HFM1: variants seen among roughly 807,000 people sequenced by gnomAD.
The protein encoded by HFM1 is probable ATP-dependent DNA helicase HFM1.
Under a neutral mutation model 192.1 loss-of-function variants are expected in HFM1, and 169 were observed. That is an observed-to-expected ratio of 0.88 (90% confidence interval 0.78 to 1.00). The LOEUF (loss-of-function observed/expected upper bound fraction) is 1.00. Among genes scored for constraint, HFM1 ranks in the 50% least tolerant of loss-of-function variants. The probability of loss-of-function intolerance (pLI) is 0.00; values close to 1 mark genes in which losing one functional copy is unlikely to be tolerated. For missense variants in HFM1, 1,661 were observed against 1,668.0 expected, an observed-to-expected ratio of 1.00 and a Z score of 0.07; for synonymous variants, 525 against 537.8, an observed-to-expected ratio of 0.98 and a Z score of 0.33.
intron 11 of HFM1, among the ~76,000 whole-genome samples, chr1:91,376,704 A>T (rs1251278964): frequency 6.6e-6 from 1 of 151,896 alleles, no homozygotes; most frequent in Non-Finnish European, 1.5e-5. Context: ...AGAAGTAAAA[A>T]ATTTTTAAAT....
chr1:91,385,614 G>A lies in HFM1; in HGVS notation c.715C>T (p.Pro239Ser), dbSNP rs1196832546. 6.2e-7 allele frequency: 1 copy of A among 1,613,138 alleles called. No homozygotes were observed. The highest frequency in any genetic ancestry group is 1.1e-5 in the South Asian group (1 of 91,038). The change falls in exon 5 of 39, where the codon CCA becomes TCA. Residue 239 changes from proline (P) to serine (S), a missense_variant. Coordinates refer to ENST00000370425, the MANE Select transcript of HFM1 (RefSeq NM_001017975.6). Reference protein sequence around the residue: ...SEIGEGMFKAPSFSVAFQPHD... With the variant: ...SEIGEGMFKASSFSVAFQPHD... ...GGTTGGAAAGCAACTGAAAAAGATG[G>A]TGCTTTGAACATGCCTTCTCCGATT... is the stretch of plus-strand genomic sequence containing the variant.
intron 30 of HFM1, among the ~76,000 whole-genome samples, chr1:91,277,665 TAATA>T (rs1212171322): frequency 7.7e-6 from 1 of 129,826 alleles, no homozygotes; most frequent in Non-Finnish European, 1.6e-5. Flanking sequence ...CTAATATATA[TAATA>T]TATACACTAT....
chr1:91,282,708 T>C (rs1299874367), intron 30 of HFM1, among the ~76,000 whole-genome samples: 1 of 151,816 alleles, frequency 6.6e-6, no homozygotes, highest in African/African-American at 2.4e-5. Flanking sequence ...CCAGTTGCTT[T>C]AGCTCTCCCA....
chr1:91,391,938 A>G (rs1663048864), intron 4 of HFM1, among the ~76,000 whole-genome samples: 1 of 152,246 alleles, frequency 6.6e-6, no homozygotes, highest in Non-Finnish European at 1.5e-5. Context: ...TTGGCAAAGG[A>G]TATGAACAGA....
intron 25 of HFM1, among the ~76,000 whole-genome samples, chr1:91,317,576 A>G (rs1338941830): frequency 6.6e-6 from 1 of 152,192 alleles, no homozygotes; most frequent in Non-Finnish European, 1.5e-5. Flanking sequence ...ATAAAATTCC[A>G]AAATATTACT....
rs1666887923 is a variant in HFM1 at position 91,277,011 on chromosome 1, T to TGCAAAG, written c.3442_3443insCTTTGC (p.Lys1148delinsThrLeuGln). On this transcript the variant is annotated protein_altering_variant, in exon 31 of 39. Coordinates refer to ENST00000370425, the MANE Select transcript of HFM1 (RefSeq NM_001017975.6). ...GTCATGTCCACATGTATGTTTACTT[T>TGCAAAG]TACAAAGATGATTGCATTCTCGGTT... 1 of 1,599,026 alleles carries TGCAAAG rather than the reference T, an allele frequency of 6.3e-7. No homozygotes were observed. The highest frequency in any genetic ancestry group is 8.5e-7 in the Non-Finnish European group (1 of 1,173,140).
At chr1:91,345,217 T>C (rs1655971797) in intron 19 of HFM1, among the ~76,000 whole-genome samples, 1 of 152,192 alleles carries the variant, frequency 6.6e-6, no homozygotes, top group Non-Finnish European at 1.5e-5. Context: ...TCTCTAAAAG[T>C]TAATATTTGA....
At chr1:91,301,026 C>G (rs12729000) in intron 30 of HFM1, among the ~76,000 whole-genome samples, 1 of 152,108 alleles carries the variant, frequency 6.6e-6, no homozygotes, top group Non-Finnish European at 1.5e-5. Flanking sequence ...GATTGTATAT[C>G]TAGAAAACCC....
chr1:91,313,203 A>C (rs1363029291), intron 30 of HFM1, 146 bp downstream of exon 30: 13 of 497,980 alleles, frequency 2.6e-5, no homozygotes, highest in Non-Finnish European at 4.6e-5. Context: ...AATCTCTACT[A>C]TATACTATTA....
chr1:91,386,971 C>T lies in HFM1; in HGVS notation c.495-1137G>A, dbSNP rs375344593. 2.0e-5 allele frequency among the ~76,000 whole-genome samples: 3 copies of T among 152,304 alleles called. No individual in the cohort carries two copies. In the South Asian group the frequency reaches 6.2e-4, roughly 32 times the overall value. ...TCCAATAACCATTTCAATGTAAGAA[C>T]TACTTCTCTGCAAAGTTCTAAAAAC... is the stretch of plus-strand genomic sequence containing the variant. On this transcript the variant is annotated intron_variant, in intron 4 of 38. Coordinates refer to ENST00000370425, the MANE Select transcript of HFM1 (RefSeq NM_001017975.6).
At chr1:91,371,689 C>G (rs1227066383) in intron 13 of HFM1, among the ~76,000 whole-genome samples, 3 of 145,120 alleles carry the variant, frequency 2.1e-5, no homozygotes, top group Non-Finnish European at 4.5e-5. Flanking sequence ...TGGGCAAGGA[C>G]TTCATGTCTA....
intron 30 of HFM1, among the ~76,000 whole-genome samples, chr1:91,290,696 C>T (rs1450292102): frequency 7.9e-5 from 12 of 152,208 alleles, no homozygotes; most frequent in African/African-American, 1.4e-4. Context: ...CTGCACCAAC[C>T]GGACCTAATA....
intron 13 of HFM1, among the ~76,000 whole-genome samples, chr1:91,368,055 T>C (rs1015427474): frequency 1.3e-5 from 2 of 151,918 alleles, no homozygotes; most frequent in Non-Finnish European, 2.9e-5. Flanking sequence ...GAAAAAAGAA[T>C]AAAAAGAAAC....
intron 13 of HFM1, among the ~76,000 whole-genome samples, chr1:91,359,787 C>G (rs1193217401): frequency 6.6e-6 from 1 of 152,130 alleles, no homozygotes; most frequent in Admixed American, 6.5e-5. Context: ...GGAAGATACT[C>G]CACACGAACA....
chr1:91,342,414 G>A (rs968828904), intron 20 of HFM1, among the ~76,000 whole-genome samples: 1 of 152,134 alleles, frequency 6.6e-6, no homozygotes, highest in East Asian at 1.9e-4. Context: ...CATGTGAGAG[G>A]TGCCCTCCCT....
At chr1:91,284,495 G>A (rs1667759032) in intron 30 of HFM1, among the ~76,000 whole-genome samples, 1 of 152,072 alleles carries the variant, frequency 6.6e-6, no homozygotes, top group African/African-American at 2.4e-5. Context: ...CAGGTGATCT[G>A]CCTGCCTTCG....
At chr1:91,384,315 G>T (rs1050115094) in intron 6 of HFM1, among the ~76,000 whole-genome samples, 3 of 152,024 alleles carry the variant, frequency 2.0e-5, no homozygotes, top group Non-Finnish European at 2.9e-5. Flanking sequence ...ATAAACTGCT[G>T]GTGAATTAAA....
chr1:91,320,881 C>T (rs1651990813), intron 23 of HFM1, among the ~76,000 whole-genome samples: 1 of 152,066 alleles, frequency 6.6e-6, no homozygotes, highest in South Asian at 2.1e-4. Flanking sequence ...TATGACTAAC[C>T]CAGGGTTAGT....
chr1:91,291,346 A>G (rs1478879413), intron 30 of HFM1, among the ~76,000 whole-genome samples: 2 of 152,112 alleles, frequency 1.3e-5, no homozygotes, highest in Non-Finnish European at 2.9e-5. Flanking sequence ...TCAAATAGAC[A>G]CAATAAAAAA....
Sources: allele counts gnomAD v4.1 joint callset (sites outside exome capture counted in the v4.1 genomes callset), GRCh38; gene constraint gnomAD v4.1.1; transcripts MANE v1.5; gene names NCBI Gene and HGNC (gene_info 2026-07-23, HGNC 2026-07-21).